Variants in CCDC183 observed in about 807,000 individuals in gnomAD.
CCDC183 encodes the protein coiled-coil domain-containing protein 183.
A neutral mutation model predicts 65.2 loss-of-function variants in CCDC183; 63 were observed. That is an observed-to-expected ratio of 0.97 (90% confidence interval 0.79 to 1.19). The LOEUF is 1.19. Ranked by LOEUF, CCDC183 falls within the 50% of genes most tolerant of loss-of-function variation. The pLI is 0.00. For synonymous variants in CCDC183, 323 were observed against 276.5 expected (o/e 1.17, Z -1.67); for missense variants, 769 against 689.3 (o/e 1.12, Z -1.30).
Position 136,799,229 on chromosome 9 carries a change from C to G in CCDC183, c.192+6C>G. On this transcript the variant is annotated splice_donor_region_variant and intron_variant, in intron 2 of 13. Transcript: ENST00000338005. ...ACTGGGCTTTGGCCAAGAAGGTACA[C>G]AAACGCCGCCCCTCCCCTCTGCCTG... is the stretch of plus-strand genomic sequence containing the variant. 1 of 1,591,930 alleles carries G rather than the reference C, an allele frequency of 6.3e-7. No homozygotes were observed. The highest frequency in any genetic ancestry group is 8.5e-7 in the Non-Finnish European group (1 of 1,169,728).
Position 136,806,886 on chromosome 9 carries a change from G to GAACCTGCACAGCCCACGTCCCCT in CCDC183, c.1389+20_1389+42dup, listed in dbSNP as rs1391003157. 1.9e-6 allele frequency: 3 copies of GAACCTGCACAGCCCACGTCCCCT among 1,613,374 alleles called. No individual in the cohort carries two copies. The highest frequency in any genetic ancestry group is 2.5e-6 in the Non-Finnish European group (3 of 1,179,994). On this transcript the variant is annotated intron_variant, in intron 12 of 13. Transcript: ENST00000338005. ...CGAGGAGGTAGCCCCGGGCTGGGAG[G>GAACCTGCACAGCCCACGTCCCCT]AACCTGCACAGCCCACGTCCCCTCA...
intron 1 of CCDC183, among the ~76,000 whole-genome samples, chr9:136,796,855 T>C (rs577694821): frequency 1.8e-4 from 27 of 152,152 alleles, no homozygotes; most frequent in Non-Finnish European, 3.4e-4. Context: ...CAGGAAAGCC[T>C]GGGAATTGTC....
At chr9:136,802,545 T>G in intron 5 of CCDC183, 119 bp from the exon 6 acceptor site, 2 of 1,394,130 alleles carry the variant, frequency 1.4e-6, no homozygotes, top group South Asian at 1.5e-5. Context: ...GTGGGGGAGG[T>G]GGCTGGGGCC....
rs1463586517 is a variant in CCDC183 at position 136,804,524 on chromosome 9, C to T, written c.689C>T (p.Ala230Val). 1.9e-6 allele frequency: 3 copies of T among 1,613,138 alleles called. No homozygotes were observed. The highest frequency in any genetic ancestry group is 2.5e-6 in the Non-Finnish European group (3 of 1,179,866). The change falls in exon 7 of 14, where the codon GCG (alanine) becomes GTG (valine). Residue 230 changes from alanine (A) to valine (V), a missense_variant. Physicochemically the swap from Ala to Val is moderately conservative, Grantham distance 64. Transcript: ENST00000338005. This position sits in a 1 kb window ranked among gnomAD's most constrained non-coding sequence, Gnocchi z 4.1. ...EVKRNMRQRE[A>V]SFIEERRARE... ...CAGAGGAACATGAGGCAAAGGGAGG[C>T]GTCCTTCATCGAGGAGCGCCGGGCA...
rs1034882118 is a variant in CCDC183 at position 136,806,763 on chromosome 9, G to A, written c.1285G>A (p.Val429Met). The A allele has an allele frequency of 1.2e-6, 2 of 1,613,440 alleles. No individual in the cohort carries two copies. The highest frequency in any genetic ancestry group is 1.7e-6 in the Non-Finnish European group (2 of 1,180,026). The change falls in exon 12 of 14, where the codon GTG becomes ATG. Residue 429 changes from valine to methionine, a missense_variant. Coordinates refer to ENST00000338005, the MANE Select transcript of CCDC183 (RefSeq NM_001039374.5). ...CCCTCCTCCCGGCCTACAGAGAGAA[G>A]TGGTGCTCTCCAACACCCTCGATTT... Reference protein sequence around the residue: ...GINLPATQREVVLSNTLDLNS... With the variant: ...GINLPATQREMVLSNTLDLNS...
intron 5 of CCDC183, among the ~76,000 whole-genome samples, chr9:136,802,281 G>A (rs982560423): frequency 1.4e-4 from 21 of 152,154 alleles, no homozygotes; most frequent in Non-Finnish European, 5.9e-5. Flanking sequence ...TAAACTAGCT[G>A]GTCAGAAGCT....
intron 2 of CCDC183, 91 bp from the exon 3 acceptor site, chr9:136,799,612 CTAGCGTGGGA>C (rs1195671001): frequency 2.0e-6 from 2 of 1,004,992 alleles, no homozygotes. Flanking sequence ...CGCTACTGGG[CTAGCGTGGGA>C]TACAAGAGGC....
In CCDC183 at chr9:136,800,031, C is replaced by G. The variant is rs1278864767; in HGVS notation, c.300C>G (p.Val100=). 1 of 1,590,394 alleles carries G rather than the reference C, an allele frequency of 6.3e-7. No individual in the cohort carries two copies. Among genetic ancestry groups the G allele is most frequent in the African/African-American group, 1.3e-5 (1 of 74,772 alleles). The change falls in exon 4 of 14, where the codon GTC becomes GTG. Residue 100 remains valine (V), a synonymous_variant. Transcript: ENST00000338005. ...EVVREKLRKY[V]FDRVNMHNLL... is the part of the protein sequence containing the mutation. The stretch of plus-strand genomic sequence containing the variant: ...TGCGGGAGAAGCTGCGCAAGTACGT[C>G]TTCGACCGCGTGAACATGCACAACC...
intron 5 of CCDC183, 71 bp downstream of exon 5, chr9:136,800,564 C>A: frequency 1.7e-6 from 2 of 1,172,196 alleles, no homozygotes; most frequent in East Asian, 2.6e-5. Context: ...CGTCCTGGGG[C>A]GGAGCCGCCC....
At position 136,803,261 on chromosome 9, in the gene CCDC183, G is replaced by GGTGA. The variant is rs1175856690; in HGVS notation, c.666+477_666+480dup. Among the ~76,000 whole-genome samples, 2 of 93,218 alleles carry GGTGA rather than the reference G, an allele frequency of 2.1e-5. 1 individual carries two copies. Among genetic ancestry groups the GGTGA allele is most frequent in the African/African-American group, 9.0e-5 (2 of 22,262 alleles). The allele number at this position is 93,218 out of a possible 152,430, so 61.2% of individuals were successfully genotyped here. A position where few individuals can be genotyped will look rare whatever the true frequency, so the allele number is the denominator to read the frequency against. On this transcript the variant is annotated intron_variant, in intron 6 of 13. Transcript: ENST00000338005. The stretch of plus-strand genomic sequence containing the variant: ...CTCTTGGATCTTCGGATGGGGTCAA[G>GGTGA]GTGAGCTCAGGGCCCAGGGCTGGGG...
chr9:136,804,161 G>A lies in CCDC183; in HGVS notation c.667-341G>A, dbSNP rs1272200792. On this transcript the variant is annotated intron_variant, in intron 6 of 13. Transcript: ENST00000338005. The surrounding 1 kb of genome is among the most constrained non-coding windows in gnomAD (Gnocchi z 4.1). Reference sequence around the variant, plus strand: ...GGTTTTAGCTGCCCAAGGGCACGCTGGAAGAGGCCAGGTTTTGGGGAAGAG... The same window carrying A: ...GGTTTTAGCTGCCCAAGGGCACGCTAGAAGAGGCCAGGTTTTGGGGAAGAG... The A allele has an allele frequency of 1.8e-5, 5 of 283,434 alleles. No individual in the cohort carries two copies. Among genetic ancestry groups the A allele is most frequent in the African/African-American group, 2.2e-5 (1 of 46,136 alleles). 17.6% of individuals were successfully genotyped at this position (283,434 alleles called of 1,614,324 possible). A position where few individuals can be genotyped will look rare whatever the true frequency, so the allele number is the denominator to read the frequency against.
intron 1 of CCDC183, among the ~76,000 whole-genome samples, chr9:136,798,029 G>A (rs926967370): frequency 4.6e-5 from 7 of 151,274 alleles, no homozygotes; most frequent in Non-Finnish European, 7.4e-5. Context: ...ATTTTGAGAC[G>A]CAGTCTCGCT....
rs1588339159 is a variant in CCDC183, at chr9:136,807,558, G to A, written c.1487-14G>A. ...GGGCTAGCCCCGTGTGCGAGCCGCCGCCTCCGCCCGCAGACACCTTCCAGT... is the reference window on the plus strand; with the variant it reads ...GGGCTAGCCCCGTGTGCGAGCCGCCACCTCCGCCCGCAGACACCTTCCAGT... On this transcript the variant is annotated splice_polypyrimidine_tract_variant and intron_variant, in intron 13 of 13. Transcript: ENST00000338005. The A allele has an allele frequency of 1.9e-6, 3 of 1,589,156 alleles. No homozygotes were observed. Among genetic ancestry groups the A allele is most frequent in the East Asian group, 4.6e-5 (2 of 43,170 alleles).
chr9:136,801,685 G>C (rs1436922990), intron 5 of CCDC183, among the ~76,000 whole-genome samples: 1 of 152,164 alleles, frequency 6.6e-6, no homozygotes, highest in Non-Finnish European at 1.5e-5. Context: ...CAGCCTGGGT[G>C]ATAGAGTGAG....
chr9:136,805,216 G>A (rs553177477), intron 8 of CCDC183, 141 bp from the exon 9 acceptor site: 11 of 670,402 alleles, frequency 1.6e-5, no homozygotes, highest in African/African-American at 9.0e-5. Context: ...AGGTTGGGGC[G>A]GGGGCAGGCA....
intron 5 of CCDC183, among the ~76,000 whole-genome samples, chr9:136,801,613 C>T (rs922009638): frequency 4.1e-4 from 62 of 151,460 alleles, no homozygotes; most frequent in Non-Finnish European, 5.5e-4. Context: ...GGCTGAGGCA[C>T]GAGAATCACC....
At chr9:136,802,595 G>A (rs896258993) in intron 5 of CCDC183, 69 bp from the exon 6 acceptor site, 49 of 1,538,520 alleles carry the variant, frequency 3.2e-5, no homozygotes, top group Middle Eastern at 1.9e-4. Context: ...GCTCTTAGTC[G>A]GGGGATAAAA....
intron 5 of CCDC183, 127 bp from the exon 6 acceptor site, chr9:136,802,536 TG>T: frequency 2.3e-6 from 3 of 1,281,478 alleles, no homozygotes; most frequent in Non-Finnish European, 3.2e-6. Context: ...CAGCGGGGAG[TG>T]GGGGAGGTGG....
rs1483114271 is a variant in CCDC183, at chr9:136,807,082, C to A, written c.1486+16C>A. ...GATATGATCGGTACAGGCCCCGGAA[C>A]TGGGGCCCGGGCTGCAGGCGGGTGG... On this transcript the variant is annotated intron_variant, in intron 13 of 13. Transcript: ENST00000338005. The A allele has an allele frequency of 4.3e-6, 7 of 1,611,528 alleles. No homozygotes were observed. Among genetic ancestry groups the A allele is most frequent in the East Asian group, 2.2e-5 (1 of 44,858 alleles).
Sources: allele counts gnomAD v4.1 joint callset (sites outside exome capture counted in the v4.1 genomes callset), GRCh38; gene constraint gnomAD v4.1.1; non-coding constraint Gnocchi (gnomAD v3.1); transcripts MANE v1.5; gene names NCBI Gene and HGNC (gene_info 2026-07-23, HGNC 2026-07-21).